The following SPAG16 variants were observed in gnomAD, a reference collection of about 807,000 sequenced individuals.
SPAG16 encodes sperm associated antigen 16, also known as sperm-associated antigen 16 protein.
A neutral mutation model predicts 80.4 loss-of-function variants in SPAG16; 86 were observed. The observed-to-expected ratio is 1.07, with a 90% CI of 0.90 to 1.28. SPAG16 has a LOEUF of 1.28. Among genes scored for constraint, SPAG16 ranks in the 50% most tolerant of loss-of-function variants. The pLI, the probability that SPAG16 is intolerant of heterozygous loss-of-function variation, is 0.00. For synonymous variants in SPAG16, 294 were observed against 265.9 expected (o/e 1.11, Z -1.03); for missense variants, 870 against 765.3 (o/e 1.14, Z -1.61).
At chr2:214,112,556 C>T (rs910696583) in intron 14 of SPAG16, among the ~76,000 whole-genome samples, 2 of 151,274 alleles carry the variant, frequency 1.3e-5, no homozygotes, top group East Asian at 1.9e-4. Flanking sequence ...ATCCCTTTAC[C>T]GTTATGTAAT....
intron 13 of SPAG16, among the ~76,000 whole-genome samples, chr2:214,101,114 T>G (rs1364884606): frequency 6.8e-6 from 1 of 146,492 alleles, no homozygotes; most frequent in South Asian, 2.2e-4. Flanking sequence ...AAGGTTTTTT[T>G]GTCTGAAATA....
intron 4 of SPAG16, among the ~76,000 whole-genome samples, chr2:213,316,011 T>G (rs73074944): frequency 0.06 from 9,097 of 152,062 alleles, 947 homozygotes; most frequent in African/African-American, 0.21. Context: ...TTTTTCAGTC[T>G]CATGACTTTA....
intron 9 of SPAG16, among the ~76,000 whole-genome samples, chr2:213,449,427 C>G (rs1366606934): frequency 6.6e-6 from 1 of 152,026 alleles, no homozygotes; most frequent in Non-Finnish European, 1.5e-5. Flanking sequence ...TTGTACCTAC[C>G]CTCTGTTCTT....
chr2:213,836,761 G>T (rs2074108886), intron 10 of SPAG16, among the ~76,000 whole-genome samples: 1 of 152,046 alleles, frequency 6.6e-6, no homozygotes, highest in Non-Finnish European at 1.5e-5. Context: ...TTGCAGGCAT[G>T]TACCAATACA....
chr2:214,128,501 C>T (rs2125486331), intron 14 of SPAG16, among the ~76,000 whole-genome samples: 1 of 151,964 alleles, frequency 6.6e-6, no homozygotes, highest in South Asian at 2.1e-4. Flanking sequence ...TTACCCTCAA[C>T]TTTGGCCAGT....
chr2:213,991,090 G>C (rs1470110517), intron 12 of SPAG16, among the ~76,000 whole-genome samples: 1 of 151,946 alleles, frequency 6.6e-6, no homozygotes, highest in African/African-American at 2.4e-5. Context: ...GTGCCATGGT[G>C]GTTTGCTCAC....
chr2:213,722,415 G>C (rs1241626585), intron 10 of SPAG16, among the ~76,000 whole-genome samples: 1 of 152,104 alleles, frequency 6.6e-6, no homozygotes, highest in East Asian at 1.9e-4. Context: ...TTAGAAAAGA[G>C]GTTTCCCTAA....
chr2:214,258,259 C>T (rs886084602), intron 15 of SPAG16, among the ~76,000 whole-genome samples: 1 of 151,676 alleles, frequency 6.6e-6, no homozygotes, highest in Non-Finnish European at 1.5e-5. Flanking sequence ...CTCTTCTTCC[C>T]GAGTCCCCAA....
At chr2:214,119,486 G>A (rs1025209700) in intron 14 of SPAG16, among the ~76,000 whole-genome samples, 10 of 151,956 alleles carry the variant, frequency 6.6e-5, no homozygotes, top group African/African-American at 2.4e-4. Flanking sequence ...TAAATAATAC[G>A]TGGCAGGAAA....
chr2:214,021,511 A>T (rs140715712), intron 13 of SPAG16, among the ~76,000 whole-genome samples: 390 of 152,240 alleles, frequency 2.6e-3, no homozygotes, highest in African/African-American at 8.9e-3. Context: ...AGAGCAGCAC[A>T]GAAAAGACCT....
chr2:214,290,250 G>C (rs557215573), intron 15 of SPAG16, among the ~76,000 whole-genome samples: 6 of 151,998 alleles, frequency 3.9e-5, no homozygotes, highest in Non-Finnish European at 8.8e-5. Flanking sequence ...TATTTTGTTG[G>C]TATCAATTGC....
intron 4 of SPAG16, among the ~76,000 whole-genome samples, chr2:213,313,582 G>A (rs919865544): frequency 5.3e-5 from 8 of 151,746 alleles, no homozygotes; most frequent in Admixed American, 1.3e-4. Flanking sequence ...TTAAAGACCA[G>A]TCTCCTAACC....
At chr2:213,853,870 C>G (rs572824918) in intron 10 of SPAG16, among the ~76,000 whole-genome samples, 1 of 152,122 alleles carries the variant, frequency 6.6e-6, no homozygotes, top group Non-Finnish European at 1.5e-5. Context: ...AGAGGGAGAC[C>G]TATTTGTGGA....
intron 15 of SPAG16, among the ~76,000 whole-genome samples, chr2:214,224,473 A>G (rs2058655566): frequency 1.3e-5 from 2 of 152,166 alleles, no homozygotes; most frequent in Admixed American, 1.3e-4. Context: ...TCACAGATGA[A>G]ATACAAATTT....
intron 10 of SPAG16, among the ~76,000 whole-genome samples, chr2:213,644,868 T>G (rs1383848616): frequency 6.6e-6 from 1 of 152,088 alleles, no homozygotes; most frequent in Non-Finnish European, 1.5e-5. Context: ...CCACTGCTTA[T>G]GTTCACTCAA....
chr2:213,317,817 CA>C lies in SPAG16; in HGVS notation c.536+462del, dbSNP rs2063463620. The C allele has an allele frequency of 1.4e-5, 11 of 774,026 alleles. No homozygotes were observed. The South Asian group carries it at 5.8e-4, about 41-fold the overall frequency. 47.9% of individuals were successfully genotyped at this position (774,026 alleles called of 1,614,324 possible). A position where few individuals can be genotyped will look rare whatever the true frequency, so the allele number is the denominator to read the frequency against. ...GGGTGATAATGATATGTAGGTTCGT[CA>C]GTTGTTAACAAATGTATCCCTCTGT... On this transcript the variant is annotated intron_variant, in intron 5 of 15. Transcript: ENST00000331683.
chr2:214,397,404 C>T (rs1173531517), intron 15 of SPAG16, among the ~76,000 whole-genome samples: 2 of 151,992 alleles, frequency 1.3e-5, no homozygotes, highest in East Asian at 1.9e-4. Context: ...GTGATCTGCC[C>T]GCCTCGGCCT....
At chr2:213,733,404 A>G (rs556164283) in intron 10 of SPAG16, among the ~76,000 whole-genome samples, 3 of 152,048 alleles carry the variant, frequency 2.0e-5, no homozygotes, top group South Asian at 4.1e-4. Context: ...GAATATCCCA[A>G]TAAAGGTGGG....
intron 10 of SPAG16, among the ~76,000 whole-genome samples, chr2:213,753,483 G>A (rs2068179090): frequency 6.6e-6 from 1 of 152,108 alleles, no homozygotes; most frequent in South Asian, 2.1e-4. Flanking sequence ...TTTAATATAT[G>A]TATGAATTAT....
Sources: allele counts gnomAD v4.1 joint callset (sites outside exome capture counted in the v4.1 genomes callset), GRCh38; gene constraint gnomAD v4.1.1; transcripts MANE v1.5; gene names NCBI Gene and HGNC (gene_info 2026-07-23, HGNC 2026-07-21).